The following CNTRL variants were observed in gnomAD, a reference collection of about 807,000 sequenced individuals.
CNTRL encodes the protein 110 kDa centrosomal protein.
In CNTRL, 233 loss-of-function variants were observed where a neutral mutation model predicts 303.7. The observed-to-expected ratio is 0.77, with a 90% CI of 0.69 to 0.86. CNTRL has a LOEUF of 0.86. Among genes scored for constraint, CNTRL ranks in the 40% least tolerant of loss-of-function variants. The pLI is 0.00. For missense variants in CNTRL, 2,524 were observed against 2,650.6 expected, an observed-to-expected ratio of 0.95 and a Z score of 1.05; for synonymous variants, 900 against 922.2, an observed-to-expected ratio of 0.98 and a Z score of 0.44.
In CNTRL at chr9:121,154,701, G is replaced by C. The variant is rs767761707; in HGVS notation, c.4173-20G>C. 2 of 1,446,494 alleles carry C rather than the reference G, an allele frequency of 1.4e-6. No individual in the cohort carries two copies. Among genetic ancestry groups the C allele is most frequent in the Non-Finnish European group, 1.9e-6 (2 of 1,030,804 alleles). The allele number at this position is 1,446,494 out of a possible 1,614,324, so 89.6% of individuals were successfully genotyped here. A position where few individuals can be genotyped will look rare whatever the true frequency, so the allele number is the denominator to read the frequency against. On this transcript the variant is annotated intron_variant, in intron 26 of 43. Coordinates refer to ENST00000373855, the MANE Select transcript of CNTRL (RefSeq NM_007018.6). The stretch of plus-strand genomic sequence containing the variant: ...GTCTACATTTAACATTTTTTAATGG[G>C]TGTATATATTATTTTTTAGGGACTT...
intron 23 of CNTRL, among the ~76,000 whole-genome samples, chr9:121,147,557 A>G (rs1272670181): frequency 6.6e-6 from 1 of 152,168 alleles, no homozygotes; most frequent in Non-Finnish European, 1.5e-5. Flanking sequence ...GATGAGATTA[A>G]AGGATGTTAA....
At chr9:121,089,749 A>C (rs887499914) in intron 3 of CNTRL, among the ~76,000 whole-genome samples, 1 of 152,206 alleles carries the variant, frequency 6.6e-6, no homozygotes, top group Non-Finnish European at 1.5e-5. Flanking sequence ...TATAGTTAAA[A>C]GTGCAAGTTT....
chr9:121,152,609 T>C lies in CNTRL; in HGVS notation c.4088T>C (p.Ile1363Thr), dbSNP rs753463314. 8 of 1,613,444 alleles carry C rather than the reference T, an allele frequency of 5.0e-6. No individual in the cohort carries two copies. The highest frequency in any genetic ancestry group is 5.9e-6 in the Non-Finnish European group (7 of 1,179,520). The stretch of plus-strand genomic sequence containing the variant: ...GAAATGGAAGAACTGCATCATAATA[T>C]TGATGATCTTTTGCAAGAGAAGAAA... ...EKEMEELHHN[I>T]DDLLQEKKSL... The change falls in exon 26 of 44, where the codon ATT (isoleucine) becomes ACT (threonine). Residue 1363 changes from isoleucine to threonine, a missense_variant. Transcript: ENST00000373855.
chr9:121,091,487 A>C (rs558460713), intron 4 of CNTRL, among the ~76,000 whole-genome samples: 15 of 152,214 alleles, frequency 9.9e-5, no homozygotes, highest in Non-Finnish European at 1.6e-4. Context: ...AAATATTGAC[A>C]GATTTAGCCT....
rs1013099672 is a variant in CNTRL, at chr9:121,167,385, T to C, written c.5656-104T>C. Reference sequence around the variant, plus strand: ...TTGAGATAATAAAGGAAATAAACTTTTATGCCTCTCGTTCTGTCAGACTTA... The same window carrying C: ...TTGAGATAATAAAGGAAATAAACTTCTATGCCTCTCGTTCTGTCAGACTTA... On this transcript the variant is annotated intron_variant, in intron 36 of 43. Coordinates refer to ENST00000373855, the MANE Select transcript of CNTRL (RefSeq NM_007018.6). 4.7e-6 allele frequency: 4 copies of C among 857,330 alleles called. No individual in the cohort carries two copies. In the South Asian group the frequency reaches 7.7e-5, roughly 16 times the overall value. The allele number at this position is 857,330 out of a possible 1,614,324, so 53.1% of individuals were successfully genotyped here.
intron 27 of CNTRL, 106 bp downstream of exon 27, chr9:121,155,019 C>A: frequency 1.0e-6 from 1 of 987,646 alleles, no homozygotes; most frequent in Non-Finnish European, 1.6e-6. Context: ...GACAGTTGTC[C>A]AAGTCAGACA....
intron 40 of CNTRL, 90 bp downstream of exon 40, chr9:121,171,638 T>C (rs2053310040): frequency 3.0e-6 from 4 of 1,331,838 alleles, no homozygotes; most frequent in Non-Finnish European, 4.0e-6. Context: ...ATCCCTTCTA[T>C]AGTAGTATAG....
At chr9:121,120,093 T>C (rs2050161885) in intron 12 of CNTRL, among the ~76,000 whole-genome samples, 1 of 151,680 alleles carries the variant, frequency 6.6e-6, no homozygotes, top group Non-Finnish European at 1.5e-5. Context: ...TTCTACATAT[T>C]CTCCTGGTAT....
rs201878995 is a variant in CNTRL at position 121,135,814 on chromosome 9, A to C, written c.2034A>C (p.Ala678=). The C allele has an allele frequency of 1.1e-5, 18 of 1,609,744 alleles. No homozygotes were observed. The highest frequency in any genetic ancestry group is 1.5e-5 in the Non-Finnish European group (18 of 1,178,172). Residue 678 remains alanine, a synonymous_variant, in exon 15 of 44, where the codon GCA becomes GCC. Transcript: ENST00000373855. ...CCACTGAATCTTTCTAGGAGCTTGC[A>C]GAGCTAGAAAGTGCCCTCCAAGAGC... ...MDAENMRKEL[A]ELESALQEQH...
intron 7 of CNTRL, among the ~76,000 whole-genome samples, chr9:121,098,998 C>G (rs2049014027): frequency 1.3e-5 from 2 of 152,152 alleles, no homozygotes; most frequent in African/African-American, 4.8e-5. Flanking sequence ...TCAAAAGACC[C>G]TGTGAGTTTA....
At chr9:121,177,099 CTTAG>C in intron 43 of CNTRL, 60 bp from the exon 44 acceptor site, 1 of 1,328,424 alleles carries the variant, frequency 7.5e-7, no homozygotes, top group Non-Finnish European at 1.1e-6. Context: ...CATGCCATCA[CTTAG>C]TTAAGACTGT....
chr9:121,100,928 C>T (rs952517751), intron 7 of CNTRL, among the ~76,000 whole-genome samples: 2 of 152,214 alleles, frequency 1.3e-5, no homozygotes, highest in Non-Finnish European at 2.9e-5. Context: ...TAGAGACCTA[C>T]AAAGAGACTT....
Position 121,145,323 on chromosome 9 carries a change from C to T in CNTRL, c.3248C>T (p.Thr1083Ile). The change falls in exon 22 of 44, where the codon ACA becomes ATA. Residue 1083 changes from threonine (T) to isoleucine (I), a missense_variant. Coordinates refer to ENST00000373855, the MANE Select transcript of CNTRL (RefSeq NM_007018.6). ...CTAGAAATTGAGAAACTGAATGAGA[C>T]AATGGAACGACAAAGGACAGAGATT... Reference protein sequence around the residue: ...QVLEIEKLNETMERQRTEIAR... With the variant: ...QVLEIEKLNEIMERQRTEIAR... 1 of 1,614,056 alleles carries T rather than the reference C, an allele frequency of 6.2e-7. No homozygotes were observed. Among genetic ancestry groups the T allele is most frequent in the Non-Finnish European group, 8.5e-7 (1 of 1,179,968 alleles).
chr9:121,123,845 C>A, intron 12 of CNTRL, 86 bp from the exon 13 acceptor site: 1 of 987,254 alleles, frequency 1.0e-6, no homozygotes, highest in Non-Finnish European at 1.4e-6. Context: ...ATTTTCTATT[C>A]TTCCTTTAAA....
Position 121,134,669 on chromosome 9 carries a change from C to T in CNTRL, c.2026-1137C>T, listed in dbSNP as rs532423905. ...AAGAATGTGTGTGTGTGTGCACATG[C>T]GTGTGTGAAATCCAGGCTGGTATTC... On this transcript the variant is annotated intron_variant, in intron 14 of 43. Transcript: ENST00000373855. Among the ~76,000 whole-genome samples, 81 of 152,206 alleles carry T rather than the reference C, an allele frequency of 5.3e-4. 1 individual carries two copies. Among genetic ancestry groups the T allele is most frequent in the Non-Finnish European group, 7.2e-4 (49 of 68,012 alleles).
At chr9:121,155,076 T>C (rs565269548) in intron 27 of CNTRL, 163 bp downstream of exon 27, 17 of 639,822 alleles carry the variant, frequency 2.7e-5, no homozygotes, top group Admixed American at 5.6e-5. Flanking sequence ...TGTGAGAATT[T>C]ATGCAAGTCA....
chr9:121,099,181 T>C (rs1473112892), intron 7 of CNTRL, among the ~76,000 whole-genome samples: 1 of 151,722 alleles, frequency 6.6e-6, no homozygotes, highest in Non-Finnish European at 1.5e-5. Context: ...GGCTGGCTGA[T>C]AGTGCCCCTC....
intron 27 of CNTRL, among the ~76,000 whole-genome samples, chr9:121,155,630 A>G (rs1450036849): frequency 1.3e-5 from 2 of 152,142 alleles, no homozygotes; most frequent in Non-Finnish European, 2.9e-5. Context: ...GCCCGATAAT[A>G]TTCTTTAGAC....
rs571867850 is a variant in CNTRL, at chr9:121,150,476, A to G, written c.3956A>G (p.His1319Arg). The G allele has an allele frequency of 9.3e-6, 15 of 1,613,886 alleles. No homozygotes were observed. The highest frequency in any genetic ancestry group is 5.5e-5 in the South Asian group (5 of 91,084). The change falls in exon 25 of 44, where the codon CAT (histidine) becomes CGT (arginine). Residue 1319 changes from histidine to arginine, a missense_variant. By Grantham distance (29) the His-to-Arg change is conservative. Coordinates refer to ENST00000373855, the MANE Select transcript of CNTRL (RefSeq NM_007018.6). The stretch of plus-strand genomic sequence containing the variant: ...CTGCATTGCAACGTCCCTGAACACC[A>G]TAACTTAGTAAGTGGAAAGACATAC... ...GVLHCNVPEH[H>R]NLENEVSRLE...
Sources: gnomAD v4.1 joint callset for allele counts (sites outside exome capture counted in the v4.1 genomes callset) on GRCh38, gnomAD v4.1.1 for gene constraint, MANE v1.5 for transcripts, NCBI Gene and HGNC (gene_info 2026-07-23, HGNC 2026-07-21) for gene names.